UGDH: variants seen among roughly 807,000 people sequenced by gnomAD.
The protein encoded by UGDH is UDP-glucose 6-dehydrogenase.
UGDH carries 38 observed loss-of-function variants against 50.6 expected under a neutral mutation model. The observed-to-expected ratio is 0.75, with a 90% CI of 0.58 to 0.98. The LOEUF is 0.98. Ranked by LOEUF, UGDH falls within the 50% of genes least tolerant of loss-of-function variation. The pLI is 0.00. For missense variants in UGDH, 465 were observed against 606.2 expected (o/e 0.77, Z 2.45); for synonymous variants, 168 against 199.9 (o/e 0.84, Z 1.35).
At chr4:39,507,641 A>C (rs914428896) in intron 7 of UGDH, among the ~76,000 whole-genome samples, 6 of 152,146 alleles carry the variant, frequency 3.9e-5, no homozygotes, top group South Asian at 2.1e-4. Context: ...TTTTGATTTT[A>C]TGCCTTTCAA....
At chr4:39,509,528 TA>T (rs1041540393) in intron 6 of UGDH, among the ~76,000 whole-genome samples, 1 of 152,238 alleles carries the variant, frequency 6.6e-6, no homozygotes, top group Non-Finnish European at 1.5e-5. Context: ...CAGTATGCAG[TA>T]AGGAATAATA....
At chr4:39,501,979 C>T (rs1745835710) in intron 11 of UGDH, among the ~76,000 whole-genome samples, 1 of 152,140 alleles carries the variant, frequency 6.6e-6, no homozygotes, top group African/African-American at 2.4e-5. Context: ...GAAAGGGCTT[C>T]TGCTTTATAT....
At chr4:39,523,758 C>T (rs1746765132) in intron 1 of UGDH, among the ~76,000 whole-genome samples, 1 of 150,320 alleles carries the variant, frequency 6.7e-6, no homozygotes, top group Non-Finnish European at 1.5e-5. Context: ...GAGCTGAGAT[C>T]GTGCCATGTT....
intron 11 of UGDH, among the ~76,000 whole-genome samples, chr4:39,500,653 C>CTTTTTTTTTTT (rs11284301): frequency 1.5e-5 from 2 of 135,222 alleles, no homozygotes; most frequent in Non-Finnish European, 1.6e-5. Context: ...GCATAATTCT[C>CTTTTTTTTTTT]TTTTTTTTTT....
intron 1 of UGDH, among the ~76,000 whole-genome samples, chr4:39,523,267 G>A (rs2109948985): frequency 6.6e-6 from 1 of 151,696 alleles, no homozygotes; most frequent in African/African-American, 2.4e-5. Flanking sequence ...GCCCAGGCTG[G>A]TCTCGAACTC....
At chr4:39,505,525 C>T (rs1745992004) in intron 8 of UGDH, 93 bp downstream of exon 8, 2 of 1,183,304 alleles carry the variant, frequency 1.7e-6, no homozygotes, top group South Asian at 2.7e-5. Context: ...TATATATATA[C>T]ATGTATTTTA....
In UGDH at chr4:39,521,368, T is replaced by C; in HGVS notation, c.145A>G (p.Thr49Ala). 1.2e-6 allele frequency: 2 copies of C among 1,609,210 alleles called. 1 individual carries two copies. The highest frequency in any genetic ancestry group is 2.2e-5 in the South Asian group (2 of 89,786). ...ATGTTTACCTCATAAATAGGAAGTG[T>C]AGGAGAATTCCACGCATTGATTCTT... is the stretch of plus-strand genomic sequence containing the variant. ...ESRINAWNSP[T>A]LPIYEPGLKE... The change falls in exon 2 of 12, where the codon ACA becomes GCA. Residue 49 changes from threonine (T) to alanine (A), a missense_variant. By Grantham distance (58) the Thr-to-Ala change is moderately conservative. Coordinates refer to ENST00000316423, the MANE Select transcript of UGDH (RefSeq NM_003359.4).
intron 2 of UGDH, among the ~76,000 whole-genome samples, chr4:39,515,888 CG>C (rs1180285018): frequency 3.9e-5 from 6 of 152,044 alleles, no homozygotes; most frequent in East Asian, 1.9e-4. Flanking sequence ...TTGGTAGAGA[CG>C]GGGTTTTTCC....
At chr4:39,513,680 G>A (rs1746333269) in intron 3 of UGDH, among the ~76,000 whole-genome samples, 1 of 151,846 alleles carries the variant, frequency 6.6e-6, no homozygotes, top group Admixed American at 6.6e-5. Context: ...GGGACTGCGG[G>A]TGCACACCAC....
rs748709505 is a variant in UGDH at position 39,521,438 on chromosome 4, A to G, written c.75T>C (p.His25=). 3 of 1,613,424 alleles carry G rather than the reference A, an allele frequency of 1.9e-6. No homozygotes were observed. The highest frequency in any genetic ancestry group is 2.5e-6 in the Non-Finnish European group (3 of 1,179,664). The change falls in exon 2 of 12, where the codon CAT becomes CAC. Residue 25 remains histidine, a synonymous_variant. Transcript: ENST00000316423. Reference sequence around the variant, plus strand: ...CCGTTACCCTGATTTCAGGACACATATGAGCAATGACACTACATGTGGGTC... The same window carrying G: ...CCGTTACCCTGATTTCAGGACACATGTGAGCAATGACACTACATGTGGGTC... ...VGGPTCSVIA[H]MCPEIRVTVV...
intron 10 of UGDH, 41 bp downstream of exon 10, chr4:39,504,376 C>T (rs1745947393): frequency 6.4e-7 from 1 of 1,574,250 alleles, no homozygotes; most frequent in East Asian, 2.2e-5. Context: ...GATAGTGGAA[C>T]ACCTCTAGAA....
rs545446683 is a variant in UGDH, at chr4:39,522,355, A to G, written c.-7-836T>C. On this transcript the variant is annotated intron_variant, in intron 1 of 11. Coordinates refer to ENST00000316423, the MANE Select transcript of UGDH (RefSeq NM_003359.4). ...AAGCAAAGAATGGTTTTGCCTTGCCAAGACCTCAGACATCATCTAATCTAA... is the reference window on the plus strand; with the variant it reads ...AAGCAAAGAATGGTTTTGCCTTGCCGAGACCTCAGACATCATCTAATCTAA... Among the ~76,000 whole-genome samples, 77 of 152,350 alleles carry G rather than the reference A, an allele frequency of 5.1e-4. 1 individual carries two copies. The South Asian group carries it at 0.015, about 30-fold the overall frequency.
chr4:39,523,586 C>A (rs1746757239), intron 1 of UGDH, among the ~76,000 whole-genome samples: 1 of 152,028 alleles, frequency 6.6e-6, no homozygotes, highest in Non-Finnish European at 1.5e-5. Context: ...GGCTGAATCA[C>A]CTGAGGTCAG....
intron 2 of UGDH, 78 bp downstream of exon 2, chr4:39,521,273 A>G: frequency 7.4e-7 from 1 of 1,342,844 alleles, no homozygotes; most frequent in Non-Finnish European, 9.9e-7. Context: ...AGATTTTTAT[A>G]TTAATAGTGC....
At position 39,510,664 on chromosome 4, in the gene UGDH, T is replaced by G. The variant is rs754301626; in HGVS notation, c.462A>C (p.Leu154Phe). 1 of 1,614,278 alleles carries G rather than the reference T, an allele frequency of 6.2e-7. No homozygotes were observed. Among genetic ancestry groups the G allele is most frequent in the South Asian group, 1.1e-5 (1 of 91,088 alleles). The change falls in exon 4 of 12, where the codon TTA becomes TTC. Residue 154 changes from leucine to phenylalanine, a missense_variant. By Grantham distance (22) the Leu-to-Phe change is conservative. Coordinates refer to ENST00000316423, the MANE Select transcript of UGDH (RefSeq NM_003359.4). ...TCTAATGCTTCATTTTTTATACCTG[T>G]AAATTCAAGTTGGGTTTTGTGTTTG... ...FDANTKPNLN[L>F]QVLSNPEFLA...
rs572644455 is a variant in UGDH, at chr4:39,516,159, C to T, written c.163-1975G>A. On this transcript the variant is annotated intron_variant, in intron 2 of 11. Coordinates refer to ENST00000316423, the MANE Select transcript of UGDH (RefSeq NM_003359.4). ...AATAGCTGGGCATGGTGGCGCTTGCCTGTAGTCCCAACTATTCAGGAGGCT... is the reference window on the plus strand; with the variant it reads ...AATAGCTGGGCATGGTGGCGCTTGCTTGTAGTCCCAACTATTCAGGAGGCT... Among the ~76,000 whole-genome samples, 13 of 152,236 alleles carry T rather than the reference C, an allele frequency of 8.5e-5. No individual in the cohort carries two copies. In the South Asian group the frequency reaches 2.7e-3, roughly 32 times the overall value.
At chr4:39,506,880 C>G (rs1420786853) in intron 7 of UGDH, among the ~76,000 whole-genome samples, 2 of 152,132 alleles carry the variant, frequency 1.3e-5, no homozygotes, top group Non-Finnish European at 2.9e-5. Context: ...GCATTTCCGG[C>G]TAGGCAGGGT....
chr4:39,515,007 C>T (rs1024686539), intron 2 of UGDH, among the ~76,000 whole-genome samples: 1 of 151,932 alleles, frequency 6.6e-6, no homozygotes, highest in African/African-American at 2.4e-5. Flanking sequence ...TACAGGGTTT[C>T]GCTCTGTTCC....
At chr4:39,502,380 T>G (rs1445234314) in intron 11 of UGDH, among the ~76,000 whole-genome samples, 1 of 152,200 alleles carries the variant, frequency 6.6e-6, no homozygotes, top group African/African-American at 2.4e-5. Flanking sequence ...AATAAGGACC[T>G]TCAACAAGTT....
Sources: allele counts gnomAD v4.1 joint callset (sites outside exome capture counted in the v4.1 genomes callset), GRCh38; gene constraint gnomAD v4.1.1; transcripts MANE v1.5; gene names NCBI Gene and HGNC (gene_info 2026-07-23, HGNC 2026-07-21).